PARD3B: variants seen among roughly 807,000 people sequenced by gnomAD.
The protein encoded by PARD3B is par-3 family cell polarity regulator beta.
Under a neutral mutation model 130.2 loss-of-function variants are expected in PARD3B, and 103 were observed. The observed-to-expected ratio is 0.79, with a 90% CI of 0.67 to 0.93. The LOEUF (loss-of-function observed/expected upper bound fraction) is 0.93, where lower values mean the gene tolerates loss of function less well. Ranked by LOEUF, PARD3B falls within the 40% of genes least tolerant of loss-of-function variation. The probability of loss-of-function intolerance (pLI) is 0.00; values close to 1 mark genes in which losing one functional copy is unlikely to be tolerated. For missense variants in PARD3B, 1,609 were observed against 1,499.2 expected, an observed-to-expected ratio of 1.07 and a Z score of -1.21; for synonymous variants, 583 against 553.2, an observed-to-expected ratio of 1.05 and a Z score of -0.76.
chr2:205,535,581 T>C (rs2051813267), intron 21 of PARD3B, among the ~76,000 whole-genome samples: 1 of 152,196 alleles, frequency 6.6e-6, no homozygotes, highest in African/African-American at 2.4e-5. Flanking sequence ...TCTGAAAATA[T>C]TGATGTAATG....
intron 2 of PARD3B, among the ~76,000 whole-genome samples, chr2:204,727,733 A>T (rs1177709036): frequency 6.6e-6 from 1 of 152,168 alleles, no homozygotes; most frequent in African/African-American, 2.4e-5. Flanking sequence ...GAAAGGAGAA[A>T]CAGACCCAAG....
At chr2:205,064,544 G>T (rs1700246203) in intron 4 of PARD3B, among the ~76,000 whole-genome samples, 1 of 152,174 alleles carries the variant, frequency 6.6e-6, no homozygotes, top group Admixed American at 6.6e-5. Flanking sequence ...GGCAATGGGG[G>T]TGTGGGGAAT....
At chr2:205,086,854 T>G (rs1701772968) in intron 4 of PARD3B, among the ~76,000 whole-genome samples, 1 of 152,320 alleles carries the variant, frequency 6.6e-6, no homozygotes, top group African/African-American at 2.4e-5. Context: ...TAAATCAAAT[T>G]GTGCAATTCA....
chr2:205,543,779 A>C (rs915924244), intron 21 of PARD3B, among the ~76,000 whole-genome samples: 4 of 152,204 alleles, frequency 2.6e-5, no homozygotes, highest in Non-Finnish European at 5.9e-5. Flanking sequence ...TCTTTTGGTA[A>C]TTGTAAATGG....
At chr2:205,027,340 G>T (rs1303572086) in intron 3 of PARD3B, among the ~76,000 whole-genome samples, 1 of 151,914 alleles carries the variant, frequency 6.6e-6, no homozygotes, top group Non-Finnish European at 1.5e-5. Flanking sequence ...TTATATATCT[G>T]TTGGCCATTT....
rs114074742 is a variant in PARD3B, at chr2:204,645,105, T to C, written c.121-41076T>C. On this transcript the variant is annotated intron_variant, in intron 1 of 22. Coordinates refer to ENST00000406610, the MANE Select transcript of PARD3B (RefSeq NM_001302769.2). ...GATATTAAAGCTGTGAGATTGTAAA[T>C]GGAGAAAAGTCATTCTGTGTGTATT... 3.3e-3 allele frequency among the ~76,000 whole-genome samples: 509 copies of C among 152,216 alleles called. 2 individuals are homozygous for C. The highest frequency in any genetic ancestry group is 0.012 in the African/African-American group (481 of 41,548).
chr2:205,347,131 T>C (rs1421684374), intron 18 of PARD3B, among the ~76,000 whole-genome samples: 1 of 152,218 alleles, frequency 6.6e-6, no homozygotes, highest in Non-Finnish European at 1.5e-5. Flanking sequence ...CCAAAGGTGC[T>C]GGTTACCTCT....
chr2:204,562,002 A>G (rs1033762381), intron 1 of PARD3B, among the ~76,000 whole-genome samples: 2 of 152,122 alleles, frequency 1.3e-5, no homozygotes, highest in Non-Finnish European at 2.9e-5. Context: ...TTTACTGCCA[A>G]AGTTTGGACT....
chr2:205,388,831 G>T (rs961548921), intron 18 of PARD3B, among the ~76,000 whole-genome samples: 1 of 152,116 alleles, frequency 6.6e-6, no homozygotes, highest in Non-Finnish European at 1.5e-5. Context: ...AGGTGCTATG[G>T]GTCCTGGAGG....
chr2:205,332,551 G>T (rs2043174679), intron 18 of PARD3B, among the ~76,000 whole-genome samples: 1 of 152,052 alleles, frequency 6.6e-6, no homozygotes. Context: ...AATATTTGTG[G>T]TCTTCTACTT....
chr2:205,172,402 C>A, intron 12 of PARD3B, 21 bp downstream of exon 12: 1 of 1,604,292 alleles, frequency 6.2e-7, no homozygotes, highest in Non-Finnish European at 8.5e-7. Flanking sequence ...TCTTGATTCT[C>A]CTCAGCCAGT....
At position 205,500,072 on chromosome 2, in the gene PARD3B, C is replaced by G. The variant is rs201549812; in HGVS notation, c.3180+41C>G. 14 of 1,601,970 alleles carry G rather than the reference C, an allele frequency of 8.7e-6. No individual in the cohort carries two copies. The Admixed American group carries it at 1.8e-4, about 21-fold the overall frequency. ...ATTTCAATCGTTGAATTCATCTTTT[C>G]TAAGAATGTTTAGAGCAGAAGAACA... On this transcript the variant is annotated intron_variant, in intron 21 of 22. Transcript: ENST00000406610.
At chr2:205,487,186 T>C (rs1357558246) in intron 20 of PARD3B, among the ~76,000 whole-genome samples, 4 of 152,214 alleles carry the variant, frequency 2.6e-5, no homozygotes, top group Non-Finnish European at 5.9e-5. Context: ...TTGTCACATA[T>C]ATTTAGAACA....
At chr2:204,882,840 C>T (rs1575206221) in intron 2 of PARD3B, among the ~76,000 whole-genome samples, 2 of 152,114 alleles carry the variant, frequency 1.3e-5, no homozygotes, top group African/African-American at 2.4e-5. Context: ...GCAATAGAAC[C>T]TCAGAGGGTT....
At chr2:205,489,551 T>TATATAAGTATATATATAC (rs1553524259) in intron 20 of PARD3B, among the ~76,000 whole-genome samples, 1 of 138,494 alleles carries the variant, frequency 7.2e-6, no homozygotes, top group African/African-American at 2.7e-5. Context: ...TATATATGTA[T>TATATAAGTATATATATAC]ATATATACAT....
rs919072924 is a variant in PARD3B, at chr2:204,831,813, A to G, written c.223-133339A>G. ...TATGAGTTTTATGAGAAAAGCTTCC[A>G]GATTTTTTTTTATACAATATAAATG... On this transcript the variant is annotated intron_variant, in intron 2 of 22. Coordinates refer to ENST00000406610, the MANE Select transcript of PARD3B (RefSeq NM_001302769.2). Among the ~76,000 whole-genome samples the G allele has an allele frequency of 2.0e-5, 3 of 150,602 alleles. No individual in the cohort carries two copies. The East Asian group carries it at 5.9e-4, about 29-fold the overall frequency.
intron 4 of PARD3B, among the ~76,000 whole-genome samples, chr2:205,098,440 G>T (rs1460619767): frequency 1.3e-5 from 2 of 152,036 alleles, no homozygotes; most frequent in African/African-American, 2.4e-5. Context: ...CGCTATTTCA[G>T]TTCTCATCTG....
chr2:205,153,705 C>A (rs1244496513), intron 10 of PARD3B, among the ~76,000 whole-genome samples: 1 of 152,086 alleles, frequency 6.6e-6, no homozygotes. Flanking sequence ...GAGATATACA[C>A]CAATGGAACA....
Position 205,558,341 on chromosome 2 carries a change from G to A in PARD3B, c.3260+4938G>A, listed in dbSNP as rs946224791. Among the ~76,000 whole-genome samples the A allele has an allele frequency of 2.6e-5, 4 of 152,094 alleles. No individual in the cohort carries two copies. Among genetic ancestry groups the A allele is most frequent in the South Asian group, 4.2e-4 (2 of 4,814 alleles). ...ATGGCATGACAGCAGCACCCTATTC[G>A]CAGGTGGGAGAGATCCAGAGATACT... is the stretch of plus-strand genomic sequence containing the variant. On this transcript the variant is annotated intron_variant, in intron 22 of 22. Transcript: ENST00000406610. This position sits in a 1 kb window ranked among gnomAD's most constrained non-coding sequence, Gnocchi z 4.8.
Sources: allele counts gnomAD v4.1 joint callset (sites outside exome capture counted in the v4.1 genomes callset), GRCh38; gene constraint gnomAD v4.1.1; non-coding constraint Gnocchi (gnomAD v3.1); transcripts MANE v1.5; gene names NCBI Gene and HGNC (gene_info 2026-07-23, HGNC 2026-07-21).